TAFA2: variants seen among roughly 807,000 people sequenced by gnomAD.
TAFA2 encodes TAFA chemokine like family member 2.
Under a neutral mutation model 18.8 loss-of-function variants are expected in TAFA2, and 7 were observed. That is an observed-to-expected ratio of 0.37 (90% CI 0.21 to 0.70). The LOEUF is 0.70. Ranked by LOEUF, TAFA2 falls within the 30% of genes least tolerant of loss-of-function variation. TAFA2 has a pLI of 0.53. For synonymous variants in TAFA2, 60 were observed against 54.2 expected (o/e 1.11, Z -0.47); for missense variants, 122 against 158.1 (o/e 0.77, Z 1.23).
intron 4 of TAFA2, among the ~76,000 whole-genome samples, chr12:61,736,319 A>G (rs1868303589): frequency 6.6e-6 from 1 of 151,988 alleles, no homozygotes; most frequent in South Asian, 2.1e-4. Context: ...ATCATCTTAT[A>G]TTTTGTTAAG....
chr12:61,799,728 A>G (rs1871331488), intron 2 of TAFA2, among the ~76,000 whole-genome samples: 1 of 152,180 alleles, frequency 6.6e-6, no homozygotes, highest in Non-Finnish European at 1.5e-5. Flanking sequence ...AGGCTGAGGC[A>G]GAAGAATGGC....
At chr12:62,158,577 T>C (rs1444128643) in intron 1 of TAFA2, among the ~76,000 whole-genome samples, 11 of 152,210 alleles carry the variant, frequency 7.2e-5, no homozygotes. Flanking sequence ...GACTAAGGAC[T>C]CTTAAATTGC....
At chr12:61,995,256 CTAAGT>C (rs770407241) in intron 1 of TAFA2, among the ~76,000 whole-genome samples, 4 of 152,144 alleles carry the variant, frequency 2.6e-5, no homozygotes, top group Admixed American at 6.5e-5. Flanking sequence ...CCCAAATAAC[CTAAGT>C]TATTTCCCAT....
At chr12:61,876,553 T>A (rs1220224120) in intron 1 of TAFA2, among the ~76,000 whole-genome samples, 1 of 152,022 alleles carries the variant, frequency 6.6e-6, no homozygotes, top group African/African-American at 2.4e-5. Flanking sequence ...ACATGGAACC[T>A]CCTCCTCAAC....
At chr12:61,825,408 G>A (rs2121068104) in intron 2 of TAFA2, among the ~76,000 whole-genome samples, 1 of 152,210 alleles carries the variant, frequency 6.6e-6, no homozygotes, top group Admixed American at 6.6e-5. Flanking sequence ...AGGCAGTATT[G>A]GTTTGTGGGG....
At chr12:62,010,557 CAGTCTCTGCCCAGCCG>C (rs1213789623) in intron 1 of TAFA2, among the ~76,000 whole-genome samples, 2,739 of 152,336 alleles carry the variant, frequency 0.018, 66 homozygotes, top group African/African-American at 0.061. Context: ...GCTAAGATTA[CAGTCTCTGCCCAGCCG>C]CCACCCCGTC....
chr12:61,915,575 G>A (rs1306020692), intron 1 of TAFA2, among the ~76,000 whole-genome samples: 2 of 152,176 alleles, frequency 1.3e-5, no homozygotes, highest in Non-Finnish European at 2.9e-5. Context: ...GAAAGCTGAA[G>A]AACTAGGAAC....
intron 4 of TAFA2, among the ~76,000 whole-genome samples, chr12:61,742,046 C>T (rs1405264545): frequency 6.6e-6 from 1 of 152,004 alleles, no homozygotes; most frequent in Non-Finnish European, 1.5e-5. Flanking sequence ...AAGCATGTGC[C>T]ACCATACCTG....
At chr12:61,840,451 A>G (rs1285909270) in intron 2 of TAFA2, among the ~76,000 whole-genome samples, 1 of 151,992 alleles carries the variant, frequency 6.6e-6, no homozygotes, top group Non-Finnish European at 1.5e-5. Flanking sequence ...GGCAGCTTAT[A>G]TATTAAATAT....
intron 2 of TAFA2, among the ~76,000 whole-genome samples, chr12:61,771,711 C>T (rs114350413): frequency 0.02 from 2,999 of 151,492 alleles, 105 homozygotes; most frequent in African/African-American, 0.069. Context: ...CTAGCAAAAC[C>T]TCTGGGATAC....
intron 1 of TAFA2, among the ~76,000 whole-genome samples, chr12:62,110,023 G>C (rs937457883): frequency 4.6e-5 from 7 of 152,152 alleles, no homozygotes; most frequent in African/African-American, 1.7e-4. Context: ...ATGTTGAATA[G>C]GAGTGGTGAG....
chr12:61,871,582 G>T (rs1430965739), intron 1 of TAFA2, among the ~76,000 whole-genome samples: 1 of 152,222 alleles, frequency 6.6e-6, no homozygotes, highest in Non-Finnish European at 1.5e-5. Context: ...CCAGGCAGCA[G>T]CAGCTTGCAA....
chr12:62,216,092 T>A (rs1472142160), intron 1 of TAFA2, among the ~76,000 whole-genome samples: 1 of 152,104 alleles, frequency 6.6e-6, no homozygotes, highest in Non-Finnish European at 1.5e-5. Context: ...GGACACAGAG[T>A]CTGAGTTGAC....
At chr12:61,719,432 G>T (rs1445536986) in intron 4 of TAFA2, among the ~76,000 whole-genome samples, 1 of 152,040 alleles carries the variant, frequency 6.6e-6, no homozygotes, top group Non-Finnish European at 1.5e-5. Flanking sequence ...GTTTTTGCAT[G>T]CCTGACACCA....
chr12:62,153,419 T>C (rs1378327476), intron 1 of TAFA2, among the ~76,000 whole-genome samples: 1 of 152,090 alleles, frequency 6.6e-6, no homozygotes, highest in African/African-American at 2.4e-5. Flanking sequence ...TCCCAGCACT[T>C]TGGGAGACAA....
rs191559656 is a variant in TAFA2 at position 62,205,577 on chromosome 12, C to T, written c.-130+53186G>A. On this transcript the variant is annotated intron_variant, in intron 1 of 5. Transcript: ENST00000551619. ...CCCCACCCAGTGAGGAGGGATGGGT[C>T]AGGGTCCAGCCTAAAGAGGGAGTCT... 2.0e-5 allele frequency among the ~76,000 whole-genome samples: 3 copies of T among 152,316 alleles called. No individual in the cohort carries two copies. In the East Asian group the frequency reaches 5.8e-4, roughly 29 times the overall value.
intron 2 of TAFA2, among the ~76,000 whole-genome samples, chr12:61,841,531 G>T (rs1225415606): frequency 6.6e-6 from 1 of 152,038 alleles, no homozygotes; most frequent in African/African-American, 2.4e-5. Context: ...ATACCATGCT[G>T]TTTTGGTTAC....
chr12:61,900,108 CA>C (rs1876032849), intron 1 of TAFA2, among the ~76,000 whole-genome samples: 1 of 152,152 alleles, frequency 6.6e-6, no homozygotes. Context: ...CATTTCTTGT[CA>C]AGGGATATTT....
chr12:62,186,412 C>T (rs1030903729), intron 1 of TAFA2, among the ~76,000 whole-genome samples: 2 of 152,146 alleles, frequency 1.3e-5, no homozygotes, highest in African/African-American at 4.8e-5. Flanking sequence ...GTTAGCTTTA[C>T]ATAGTACAGG....
Sources: gnomAD v4.1 joint callset for allele counts (sites outside exome capture counted in the v4.1 genomes callset) on GRCh38, gnomAD v4.1.1 for gene constraint, MANE v1.5 for transcripts, NCBI Gene and HGNC (gene_info 2026-07-23, HGNC 2026-07-21) for gene names.